The following SPECC1 variants were observed in gnomAD, a reference collection of about 807,000 sequenced individuals.
SPECC1 encodes the protein cytospin-B.
SPECC1 carries 62 observed loss-of-function variants against 104.1 expected under a neutral mutation model. The ratio of observed to expected loss-of-function variants is 0.60; its 90% CI spans 0.49 to 0.74. The LOEUF (loss-of-function observed/expected upper bound fraction) is 0.74. Among genes scored for constraint, SPECC1 ranks in the 30% least tolerant of loss-of-function variants. SPECC1 has a pLI of 0.00. For synonymous variants in SPECC1, 513 were observed against 501.6 expected, an observed-to-expected ratio of 1.02 and a Z score of -0.30; for missense variants, 1,306 against 1,310.5, an observed-to-expected ratio of 1.00 and a Z score of 0.05.
intron 1 of SPECC1, among the ~76,000 whole-genome samples, chr17:20,037,605 C>T (rs1341782014): frequency 6.6e-6 from 1 of 151,874 alleles, no homozygotes; most frequent in Non-Finnish European, 1.5e-5. Context: ...ATAAAATGAA[C>T]TGGGAGATGT....
At chr17:20,169,047 A>AT (rs922752990) in intron 3 of SPECC1, among the ~76,000 whole-genome samples, 13 of 151,976 alleles carry the variant, frequency 8.6e-5, no homozygotes, top group Admixed American at 3.9e-4. Context: ...TAATTTTTGT[A>AT]TTTTTTGTAG....
At chr17:20,199,318 C>T (rs1186551146) in intron 3 of SPECC1, among the ~76,000 whole-genome samples, 1 of 150,576 alleles carries the variant, frequency 6.6e-6, no homozygotes, top group Non-Finnish European at 1.5e-5. Context: ...AACTCCTGAC[C>T]TCAGGTGATC....
intron 11 of SPECC1, among the ~76,000 whole-genome samples, chr17:20,259,600 G>A (rs560899979): frequency 2.0e-5 from 3 of 152,100 alleles, no homozygotes; most frequent in Non-Finnish European, 4.4e-5. Flanking sequence ...TGAACTCCTG[G>A]CCTCAAGCAG....
At chr17:20,103,916 G>A (rs551022604) in intron 2 of SPECC1, among the ~76,000 whole-genome samples, 2 of 152,226 alleles carry the variant, frequency 1.3e-5, no homozygotes, top group South Asian at 4.1e-4. Context: ...GGAGGAGAAG[G>A]GGAGAGGAGA....
chr17:20,277,414 A>G (rs1437531594), intron 12 of SPECC1, among the ~76,000 whole-genome samples: 1 of 152,198 alleles, frequency 6.6e-6, no homozygotes, highest in East Asian at 1.9e-4. Context: ...TGATGCTGCT[A>G]AATGAAAGTA....
At chr17:20,226,043 A>G (rs1333951446) in intron 4 of SPECC1, among the ~76,000 whole-genome samples, 1 of 152,236 alleles carries the variant, frequency 6.6e-6, no homozygotes, top group African/African-American at 2.4e-5. Context: ...GCTTATAGCC[A>G]GAAGGTTTTG....
rs1017041317 is a variant in SPECC1 at position 20,297,152 on chromosome 17, AG to A, written c.3057+80del. 4 of 1,328,190 alleles carry A rather than the reference AG, an allele frequency of 3.0e-6. No individual in the cohort carries two copies. The African/African-American group carries it at 5.8e-5, about 19-fold the overall frequency. 82.3% of individuals were successfully genotyped at this position (1,328,190 alleles called of 1,614,324 possible). On this transcript the variant is annotated intron_variant, in intron 13 of 14. Transcript: ENST00000395527. ...CCTAATTGATAAACCCCACTGTGGG[AG>A]GGGGCTTACAGGCCTGAAGTAGAAG...
chr17:20,160,334 CG>C (rs1345859831), intron 3 of SPECC1, among the ~76,000 whole-genome samples: 1 of 152,030 alleles, frequency 6.6e-6, no homozygotes, highest in Non-Finnish European at 1.5e-5. Context: ...TGCCAGCAGT[CG>C]GGAGAGGAGA....
chr17:20,112,429 G>A, intron 3 of SPECC1: 1 of 764,618 alleles, frequency 1.3e-6, no homozygotes, highest in East Asian at 2.4e-5. Flanking sequence ...TATCCTGAAA[G>A]GAATTTGTCT....
At chr17:20,200,682 C>A (rs148829633) in intron 3 of SPECC1, among the ~76,000 whole-genome samples, 243 of 152,296 alleles carry the variant, frequency 1.6e-3, no homozygotes, top group African/African-American at 5.6e-3. Flanking sequence ...AGGGCTGTTG[C>A]TCTTTACTTT....
chr17:20,175,524 C>T (rs1219092117), intron 3 of SPECC1, among the ~76,000 whole-genome samples: 2 of 152,150 alleles, frequency 1.3e-5, no homozygotes, highest in Admixed American at 6.5e-5. Flanking sequence ...TATTCTTAGT[C>T]GGTCTTCTCA....
chr17:20,157,332 T>C (rs2032681798), intron 3 of SPECC1, among the ~76,000 whole-genome samples: 1 of 152,034 alleles, frequency 6.6e-6, no homozygotes, highest in Non-Finnish European at 1.5e-5. Flanking sequence ...TCCAAGTTTC[T>C]TCACAGGAAT....
intron 3 of SPECC1, chr17:20,156,194 A>C: frequency 6.9e-7 from 1 of 1,447,680 alleles, no homozygotes. Context: ...GAGTCGGCCA[A>C]GCATGGGCAA....
At chr17:20,069,109 T>A in intron 1 of SPECC1, among the ~76,000 whole-genome samples, 1 of 152,200 alleles carries the variant, frequency 6.6e-6, no homozygotes, top group Non-Finnish European at 1.5e-5. Flanking sequence ...TGCTCCCTCC[T>A]CCAAGCCTCC....
In SPECC1 at chr17:20,062,508, A is replaced by G. The variant is rs534078166; in HGVS notation, c.-21-34123A>G. Among the ~76,000 whole-genome samples the G allele has an allele frequency of 2.4e-3, 358 of 151,838 alleles. 1 individual carries two copies. The highest frequency in any genetic ancestry group is 8.4e-3 in the African/African-American group (346 of 41,380). ...CTCCCAAGTAGTTGGGACTACAGGCATGTGCCACTGTGCCTGGCTAATTTT... is the reference window on the plus strand; with the variant it reads ...CTCCCAAGTAGTTGGGACTACAGGCGTGTGCCACTGTGCCTGGCTAATTTT... On this transcript the variant is annotated intron_variant, in intron 1 of 14. Coordinates refer to ENST00000395527, the MANE Select transcript of SPECC1 (RefSeq NM_001243439.2).
chr17:20,158,663 A>G (rs2032834408), intron 3 of SPECC1, among the ~76,000 whole-genome samples: 1 of 152,264 alleles, frequency 6.6e-6, no homozygotes, highest in Non-Finnish European at 1.5e-5. Context: ...CCTTCAGCTC[A>G]GAAGCTAACA....
intron 4 of SPECC1, among the ~76,000 whole-genome samples, chr17:20,217,757 A>C (rs1006227848): frequency 6.6e-6 from 1 of 151,786 alleles, no homozygotes; most frequent in East Asian, 2.0e-4. Flanking sequence ...TTCTCCTTAA[A>C]TTCATCTTCT....
At chr17:20,245,822 A>G (rs1598076724) in intron 7 of SPECC1, 104 bp from the exon 8 acceptor site, 2 of 1,319,672 alleles carry the variant, frequency 1.5e-6, no homozygotes, top group Non-Finnish European at 2.1e-6. Flanking sequence ...TTTCCCTTCC[A>G]GCTTCATTTA....
intron 3 of SPECC1, among the ~76,000 whole-genome samples, chr17:20,124,901 C>A (rs2049210910): frequency 6.6e-6 from 1 of 152,122 alleles, no homozygotes; most frequent in African/African-American, 2.4e-5. Context: ...AAATTGCAGG[C>A]CAGGCGCGGT....
Sources: allele counts gnomAD v4.1 joint callset (sites outside exome capture counted in the v4.1 genomes callset), GRCh38; gene constraint gnomAD v4.1.1; transcripts MANE v1.5; gene names NCBI Gene and HGNC (gene_info 2026-07-23, HGNC 2026-07-21).